Variants in EFCAB14 observed in about 807,000 individuals in gnomAD.
EFCAB14 encodes the protein EF-hand calcium binding domain 14.
Under a neutral mutation model 56.5 loss-of-function variants are expected in EFCAB14, and 43 were observed. The ratio of observed to expected loss-of-function variants is 0.76; its 90% confidence interval spans 0.60 to 0.98. EFCAB14 has a LOEUF of 0.98. Among genes scored for constraint, EFCAB14 ranks in the 50% least tolerant of loss-of-function variants. The probability of loss-of-function intolerance (pLI) is 0.00; values close to 1 mark genes in which losing one functional copy is unlikely to be tolerated. For synonymous variants in EFCAB14, 235 were observed against 212.9 expected (o/e 1.10, Z -0.90); for missense variants, 538 against 580.3 (o/e 0.93, Z 0.75).
chr1:46,698,870 A>T (rs1203240946), intron 3 of EFCAB14, among the ~76,000 whole-genome samples: 1 of 152,208 alleles, frequency 6.6e-6, no homozygotes, highest in African/African-American at 2.4e-5. Context: ...AATTACATGA[A>T]TGGAGACACC....
chr1:46,701,575 T>C lies in EFCAB14; in HGVS notation c.481-4926A>G, dbSNP rs1359368758. Among the ~76,000 whole-genome samples, 8 of 152,318 alleles carry C rather than the reference T, an allele frequency of 5.3e-5. No homozygotes were observed. The South Asian group carries it at 8.3e-4, about 16-fold the overall frequency. ...CTAATCAGAAGTATCTCGGGAATGG[T>C]AGTGGTCTCACAAAAAGCCAGTGTG... On this transcript the variant is annotated intron_variant, in intron 3 of 10. Coordinates refer to ENST00000371933, the MANE Select transcript of EFCAB14 (RefSeq NM_014774.3).
chr1:46,697,854 CT>C (rs759488898), intron 3 of EFCAB14, among the ~76,000 whole-genome samples: 6,487 of 134,454 alleles, frequency 0.048, 411 homozygotes, highest in African/African-American at 0.17. Context: ...CTCTCTCTCT[CT>C]TTTTTTTTTT....
chr1:46,691,979 G>C (rs768766346), intron 4 of EFCAB14, 42 bp from the exon 5 acceptor site: 33 of 1,438,110 alleles, frequency 2.3e-5, no homozygotes, highest in Non-Finnish European at 3.2e-5. Flanking sequence ...AGCTTTAAGA[G>C]ACAACTGACA....
At chr1:46,706,676 C>T (rs931580493) in intron 3 of EFCAB14, among the ~76,000 whole-genome samples, 5 of 152,088 alleles carry the variant, frequency 3.3e-5, no homozygotes, top group Non-Finnish European at 7.4e-5. Flanking sequence ...CCAATTTCTC[C>T]CATCCTTTTT....
chr1:46,710,409 T>A (rs964264875), intron 2 of EFCAB14, among the ~76,000 whole-genome samples: 1 of 152,210 alleles, frequency 6.6e-6, no homozygotes, highest in Non-Finnish European at 1.5e-5. Flanking sequence ...GCTACAGTGG[T>A]ACATAACACT....
chr1:46,697,229 G>A (rs1677088273), intron 3 of EFCAB14, among the ~76,000 whole-genome samples: 1 of 152,200 alleles, frequency 6.6e-6, no homozygotes, highest in South Asian at 2.1e-4. Flanking sequence ...AGCTCTACCA[G>A]AGCACTACTT....
intron 3 of EFCAB14, among the ~76,000 whole-genome samples, chr1:46,703,266 C>G (rs11806569): frequency 6.6e-6 from 1 of 152,238 alleles, no homozygotes; most frequent in East Asian, 1.9e-4. Context: ...CTCGCCACCA[C>G]GCCTGGCTAA....
intron 3 of EFCAB14, among the ~76,000 whole-genome samples, chr1:46,697,495 G>A (rs1326925530): frequency 6.6e-6 from 1 of 152,096 alleles, no homozygotes; most frequent in Non-Finnish European, 1.5e-5. Context: ...GTTCTAAACC[G>A]CTTTCCCATT....
intron 3 of EFCAB14, among the ~76,000 whole-genome samples, chr1:46,697,854 C>T (rs200061944): frequency 6.7e-5 from 9 of 134,624 alleles, no homozygotes; most frequent in East Asian, 6.3e-4. Context: ...CTCTCTCTCT[C>T]TTTTTTTTTT....
At chr1:46,689,535 G>T in intron 6 of EFCAB14, 52 bp downstream of exon 6, 1 of 1,561,820 alleles carries the variant, frequency 6.4e-7, no homozygotes, top group Non-Finnish European at 8.8e-7. Flanking sequence ...CTATTTGGCT[G>T]CCTCTGCAGT....
In EFCAB14 at chr1:46,699,864, C is replaced by T. The variant is rs529763033; in HGVS notation, c.481-3215G>A. Among the ~76,000 whole-genome samples the T allele has an allele frequency of 6.6e-5, 10 of 152,254 alleles. No homozygotes were observed. In the South Asian group the frequency reaches 2.1e-3, roughly 32 times the overall value. ...CAACTGGCAACTTTAGAAATTAGGT[C>T]ACAAAAGGTCCTATGCCTTCTTCTT... On this transcript the variant is annotated intron_variant, in intron 3 of 10. Coordinates refer to ENST00000371933, the MANE Select transcript of EFCAB14 (RefSeq NM_014774.3).
At chr1:46,682,845 G>A (rs2148838005) in intron 10 of EFCAB14, among the ~76,000 whole-genome samples, 2 of 152,296 alleles carry the variant, frequency 1.3e-5, no homozygotes, top group East Asian at 3.9e-4. Flanking sequence ...CCAACATGGT[G>A]AAACCCTATC....
chr1:46,693,816 CA>C (rs2148844074), intron 4 of EFCAB14, among the ~76,000 whole-genome samples: 1 of 152,262 alleles, frequency 6.6e-6, no homozygotes, highest in African/African-American at 2.4e-5. Flanking sequence ...GGAAGTTCCA[CA>C]AATGTTTATT....
intron 2 of EFCAB14, among the ~76,000 whole-genome samples, chr1:46,711,759 CAA>C (rs1360376433): frequency 1.3e-5 from 2 of 152,144 alleles, no homozygotes; most frequent in Non-Finnish European, 1.5e-5. Context: ...ATATACCACT[CAA>C]ATAGTAAACA....
rs145487427 is a variant in EFCAB14, at chr1:46,706,613, T to A, written c.480+1293A>T. Among the ~76,000 whole-genome samples, 4 of 152,304 alleles carry A rather than the reference T, an allele frequency of 2.6e-5. No homozygotes were observed. In the East Asian group the frequency reaches 7.7e-4, roughly 29 times the overall value. On this transcript the variant is annotated intron_variant, in intron 3 of 10. Transcript: ENST00000371933. Reference sequence around the variant, plus strand: ...GAGATGCTGATTATCTTTCAGTGCTTCAATGTGGTCTACTTTCACCTGATG... The same window carrying A: ...GAGATGCTGATTATCTTTCAGTGCTACAATGTGGTCTACTTTCACCTGATG...
intron 1 of EFCAB14, among the ~76,000 whole-genome samples, chr1:46,717,144 G>C (rs893717714): frequency 3.3e-5 from 5 of 152,164 alleles, no homozygotes; most frequent in Non-Finnish European, 7.3e-5. Context: ...AAGCTCATTA[G>C]AAATCAAACT....
At chr1:46,710,806 C>A (rs1240916941) in intron 2 of EFCAB14, among the ~76,000 whole-genome samples, 2 of 152,196 alleles carry the variant, frequency 1.3e-5, no homozygotes, top group Non-Finnish European at 2.9e-5. Context: ...TCTGCCTCAG[C>A]CTCCTTAGTT....
chr1:46,702,731 T>G (rs1179093495), intron 3 of EFCAB14, among the ~76,000 whole-genome samples: 1 of 152,028 alleles, frequency 6.6e-6, no homozygotes, highest in Non-Finnish European at 1.5e-5. Flanking sequence ...GCTTAAGGCT[T>G]AGAGTACAGT....
chr1:46,707,433 T>C (rs1159114530), intron 3 of EFCAB14, among the ~76,000 whole-genome samples: 1 of 152,236 alleles, frequency 6.6e-6, no homozygotes, highest in Non-Finnish European at 1.5e-5. Context: ...ATTAGGCTTA[T>C]TTGACTGACC....
Sources: allele counts gnomAD v4.1 joint callset (sites outside exome capture counted in the v4.1 genomes callset), GRCh38; gene constraint gnomAD v4.1.1; transcripts MANE v1.5; gene names NCBI Gene and HGNC (gene_info 2026-07-23, HGNC 2026-07-21).